The following DDX60L variants were observed in gnomAD, a reference collection of about 807,000 sequenced individuals.
DDX60L encodes the protein DExD/H-box 60 like.
A neutral mutation model predicts 211.6 loss-of-function variants in DDX60L; 191 were observed. The observed-to-expected ratio is 0.90, with a 90% CI of 0.80 to 1.02. DDX60L has a LOEUF of 1.02. DDX60L is among the 50% of genes least tolerant of loss of function. The pLI, the probability that DDX60L is intolerant of heterozygous loss-of-function variation, is 0.00. For synonymous variants in DDX60L, 706 were observed against 694.1 expected (o/e 1.02, Z -0.27); for missense variants, 2,007 against 1,984.1 (o/e 1.01, Z -0.22).
chr4:168,366,369 T>A (rs571198655), intron 36 of DDX60L, among the ~76,000 whole-genome samples: 188 of 152,240 alleles, frequency 1.2e-3, no homozygotes, highest in Non-Finnish European at 2.2e-3. Flanking sequence ...ATAAAAAGTT[T>A]TTTTAAAACA....
chr4:168,463,873 A>G (rs1757640110), intron 4 of DDX60L, among the ~76,000 whole-genome samples: 1 of 152,204 alleles, frequency 6.6e-6, no homozygotes, highest in Admixed American at 6.5e-5. Flanking sequence ...TTACAATTGG[A>G]AGCCATTCAA....
chr4:168,388,374 T>C (rs565289054), intron 29 of DDX60L, among the ~76,000 whole-genome samples: 6 of 152,272 alleles, frequency 3.9e-5, no homozygotes, highest in African/African-American at 9.6e-5. Flanking sequence ...ACTAAAACAA[T>C]TTGTGCCAGA....
intron 30 of DDX60L, among the ~76,000 whole-genome samples, chr4:168,383,236 A>G (rs1187396369): frequency 1.3e-5 from 2 of 152,192 alleles, no homozygotes; most frequent in South Asian, 2.1e-4. Context: ...GAAGAAACAT[A>G]TAATAATCAA....
rs185743098 is a variant in DDX60L at position 168,375,021 on chromosome 4, A to T, written c.4633+356T>A. Among the ~76,000 whole-genome samples the T allele has an allele frequency of 6.6e-5, 10 of 152,316 alleles. No homozygotes were observed. The East Asian group carries it at 1.9e-3, about 29-fold the overall frequency. ...TGCAACTGCCCCTCAGGGGAAAAAAATGCCAGAAATTATGCCGTTTTCTTT... is the reference window on the plus strand; with the variant it reads ...TGCAACTGCCCCTCAGGGGAAAAAATTGCCAGAAATTATGCCGTTTTCTTT... On this transcript the variant is annotated intron_variant, in intron 34 of 37. Coordinates refer to ENST00000682922, the MANE Select transcript of DDX60L (RefSeq NM_001012967.3).
chr4:168,439,018 T>C (rs971048478), intron 10 of DDX60L, among the ~76,000 whole-genome samples: 10 of 152,196 alleles, frequency 6.6e-5, no homozygotes, highest in Non-Finnish European at 1.5e-4. Flanking sequence ...GAACTTAGCA[T>C]TGTCTTTTGA....
intron 1 of DDX60L, among the ~76,000 whole-genome samples, chr4:168,478,623 G>A (rs1019238787): frequency 1.1e-4 from 17 of 152,278 alleles, no homozygotes; most frequent in African/African-American, 3.4e-4. Flanking sequence ...CAACATAGCC[G>A]TGGATGATAA....
At chr4:168,441,246 T>C in intron 10 of DDX60L, 91 bp downstream of exon 10, 3 of 1,273,556 alleles carry the variant, frequency 2.4e-6, no homozygotes, top group Non-Finnish European at 3.3e-6. Flanking sequence ...AGGAAAATTA[T>C]TTACACTTGG....
rs893478319 is a variant in DDX60L at position 168,472,593 on chromosome 4, G to C, written c.5-69C>G. ...GCTATATAATTTAGTAATTATTAAG[G>C]AAATGAAATATAGACATCCAATTAC... On this transcript the variant is annotated intron_variant, in intron 2 of 37. Transcript: ENST00000682922. The C allele has an allele frequency of 2.5e-6, 4 of 1,573,760 alleles. No homozygotes were observed. The African/African-American group carries it at 5.4e-5, about 21-fold the overall frequency.
intron 36 of DDX60L, among the ~76,000 whole-genome samples, chr4:168,366,399 CA>C: frequency 6.6e-6 from 1 of 151,512 alleles, no homozygotes; most frequent in East Asian, 1.9e-4. Context: ...ACAATAGCTA[CA>C]AAAAATTAGA....
intron 11 of DDX60L, among the ~76,000 whole-genome samples, 153 bp downstream of exon 11, chr4:168,432,857 G>GAT (rs1329186062): frequency 6.7e-6 from 1 of 149,492 alleles, no homozygotes; most frequent in East Asian, 1.9e-4. Flanking sequence ...TGACATACTA[G>GAT]ATGTTACAAT....
chr4:168,365,984 A>G lies in DDX60L; in HGVS notation c.4929-4773T>C, dbSNP rs538703302. Among the ~76,000 whole-genome samples the G allele has an allele frequency of 3.9e-5, 6 of 152,276 alleles. No individual in the cohort carries two copies. In the East Asian group the frequency reaches 1.2e-3, roughly 29 times the overall value. ...AAAATTCAAAACATCCCTTCATAAT[A>G]AAAACTCTTAACAAATTAGGTATAG... On this transcript the variant is annotated intron_variant, in intron 36 of 37. Coordinates refer to ENST00000682922, the MANE Select transcript of DDX60L (RefSeq NM_001012967.3).
At chr4:168,433,263 C>T in intron 10 of DDX60L, 148 bp from the exon 11 acceptor site, 1 of 578,812 alleles carries the variant, frequency 1.7e-6, no homozygotes, top group Non-Finnish European at 3.0e-6. Context: ...TGAGATATTC[C>T]TCAAAGCAAA....
At chr4:168,413,247 T>C (rs555275077) in intron 22 of DDX60L, among the ~76,000 whole-genome samples, 52 of 152,248 alleles carry the variant, frequency 3.4e-4, no homozygotes, top group Non-Finnish European at 5.4e-4. Flanking sequence ...TTCAGGCCGA[T>C]AATTTAAAAT....
Position 168,415,440 on chromosome 4 carries a change from A to T in DDX60L, c.2947T>A (p.Phe983Ile), listed in dbSNP as rs149197109. Residue 983 changes from phenylalanine to isoleucine, a missense_variant, in exon 22 of 38, where the codon TTT (phenylalanine) becomes ATT (isoleucine). By Grantham distance (21) the Phe-to-Ile change is conservative. Coordinates refer to ENST00000682922, the MANE Select transcript of DDX60L (RefSeq NM_001012967.3). ...GTCGTTAGCGCAGCACAGGGATGAA[A>T]ATGATCAAAATAAACATCATCATGT... Reference protein sequence around the residue: ...VKHDDVYFDHFHPCAALTTDI... With the variant: ...VKHDDVYFDHIHPCAALTTDI... 3.1e-4 allele frequency: 501 copies of T among 1,607,506 alleles called. 3 individuals are homozygous for T. In the African/African-American group the frequency reaches 5.4e-3, roughly 17 times the overall value.
At chr4:168,435,424 A>G (rs918998914) in intron 10 of DDX60L, among the ~76,000 whole-genome samples, 1 of 152,206 alleles carries the variant, frequency 6.6e-6, no homozygotes, top group Non-Finnish European at 1.5e-5. Context: ...TTTTCCTCAC[A>G]TCCACATTCA....
chr4:168,457,261 T>TATACACAC (rs139881909), intron 6 of DDX60L, among the ~76,000 whole-genome samples: 27 of 145,206 alleles, frequency 1.9e-4, no homozygotes, highest in South Asian at 6.5e-4. Context: ...ATAAACTACA[T>TATACACAC]ACACACACAC....
At chr4:168,467,576 C>T (rs1022785042) in intron 4 of DDX60L, among the ~76,000 whole-genome samples, 5 of 151,790 alleles carry the variant, frequency 3.3e-5, no homozygotes, top group Non-Finnish European at 5.9e-5. Context: ...TTAGATAAGG[C>T]GGGCAAATCC....
chr4:168,441,046 G>C (rs1325551349), intron 10 of DDX60L, among the ~76,000 whole-genome samples: 1 of 152,098 alleles, frequency 6.6e-6, no homozygotes, highest in Admixed American at 6.6e-5. Context: ...GGATGGATTG[G>C]GAAGTGGCCC....
At chr4:168,443,248 G>C (rs374962060) in intron 9 of DDX60L, among the ~76,000 whole-genome samples, 1 of 152,110 alleles carries the variant, frequency 6.6e-6, no homozygotes, top group Non-Finnish European at 1.5e-5. Context: ...CTCAGGAGCC[G>C]ATGCGATCAA....
Sources: gnomAD v4.1 joint callset for allele counts (sites outside exome capture counted in the v4.1 genomes callset) on GRCh38, gnomAD v4.1.1 for gene constraint, MANE v1.5 for transcripts, NCBI Gene and HGNC (gene_info 2026-07-23, HGNC 2026-07-21) for gene names.